ATG16L1: variants seen among roughly 807,000 people sequenced by gnomAD.
ATG16L1 encodes the protein autophagy-related protein 16-1.
ATG16L1 carries 37 observed loss-of-function variants against 88.5 expected under a neutral mutation model. That is an observed-to-expected ratio of 0.42 (90% CI 0.32 to 0.55). The LOEUF (loss-of-function observed/expected upper bound fraction) is 0.55, where lower values mean the gene tolerates loss of function less well. ATG16L1 is among the 20% of genes least tolerant of loss of function. The pLI, the probability that ATG16L1 is intolerant of heterozygous loss-of-function variation, is 0.13. For synonymous variants in ATG16L1, 301 were observed against 281.0 expected, an observed-to-expected ratio of 1.07 and a Z score of -0.71; for missense variants, 554 against 752.8, an observed-to-expected ratio of 0.74 and a Z score of 3.09.
intron 9 of ATG16L1, among the ~76,000 whole-genome samples, chr2:233,276,743 C>G (rs890043143): frequency 6.6e-6 from 1 of 152,216 alleles, no homozygotes; most frequent in African/African-American, 2.4e-5. Flanking sequence ...TCCCGAAGTG[C>G]TGGGATCACA....
Position 233,253,339 on chromosome 2 carries a change from T to G in ATG16L1, c.115+1397T>G, listed in dbSNP as rs554958593. On this transcript the variant is annotated intron_variant, in intron 1 of 17. Transcript: ENST00000392017. ...GGTTAATGGTGAGACTGGGTTTTTT[T>G]GTTTTTTTTTTTTTTTTTTTTTGGA... Among the ~76,000 whole-genome samples, 25 of 131,124 alleles carry G rather than the reference T, an allele frequency of 1.9e-4. 1 individual carries two copies. The highest frequency in any genetic ancestry group is 1.1e-3 in the Admixed American group (14 of 13,032). 86.0% of individuals were successfully genotyped at this position (131,124 alleles called of 152,430 possible). A position where few individuals can be genotyped will look rare whatever the true frequency, so the allele number is the denominator to read the frequency against.
At chr2:233,254,328 G>C (rs553534448) in intron 1 of ATG16L1, among the ~76,000 whole-genome samples, 20 of 152,316 alleles carry the variant, frequency 1.3e-4, no homozygotes, top group African/African-American at 4.8e-4. Flanking sequence ...GACAGGCTTT[G>C]CATGTTAAGA....
intron 5 of ATG16L1, 38 bp downstream of exon 5, chr2:233,265,181 A>G (rs377358201): frequency 1.2e-5 from 20 of 1,608,440 alleles, no homozygotes; most frequent in Non-Finnish European, 1.6e-5. Context: ...TTCCATCCTT[A>G]GTAGAGTAGA....
intron 10 of ATG16L1, 40 bp downstream of exon 10, chr2:233,277,713 A>G (rs758662016): frequency 1.9e-6 from 3 of 1,559,810 alleles, no homozygotes; most frequent in African/African-American, 2.7e-5. Context: ...AAAACTTGAG[A>G]TGATGCACCC....
rs10676895 is a variant in ATG16L1 at position 233,286,621 on chromosome 2, CTTTT to C, written c.1204-3214_1204-3211del. Among the ~76,000 whole-genome samples the C allele has an allele frequency of 6.3e-4, 59 of 93,292 alleles. 1 individual carries two copies. The highest frequency in any genetic ancestry group is 2.6e-3 in the South Asian group (6 of 2,276). 61.2% of individuals were successfully genotyped at this position (93,292 alleles called of 152,430 possible). A position where few individuals can be genotyped will look rare whatever the true frequency, so the allele number is the denominator to read the frequency against. The stretch of plus-strand genomic sequence containing the variant: ...AGAATAAGGTGAGCAGAAGCCCAAA[CTTTT>C]TTTTTTTTTTTTTTTTTTGAGACAG... On this transcript the variant is annotated intron_variant, in intron 12 of 17. Transcript: ENST00000392017.
chr2:233,261,016 C>T lies in ATG16L1; in HGVS notation c.210-2114C>T, dbSNP rs534239645. On this transcript the variant is annotated intron_variant, in intron 2 of 17. Coordinates refer to ENST00000392017, the MANE Select transcript of ATG16L1 (RefSeq NM_030803.7). ...TGTCGCCCAGGCTGGAGGGCAGTGG[C>T]GCAGTCTCAGCTCACTGCAACCTCC... Among the ~76,000 whole-genome samples the T allele has an allele frequency of 3.7e-3, 565 of 152,298 alleles. 1 individual carries two copies. Among genetic ancestry groups the T allele is most frequent in the Admixed American group, 7.2e-3 (110 of 15,302 alleles).
intron 8 of ATG16L1, 83 bp from the exon 9 acceptor site, chr2:233,274,593 C>T (rs1351159961): frequency 3.0e-6 from 3 of 1,009,638 alleles, no homozygotes; most frequent in Admixed American, 2.1e-5. Flanking sequence ...TAAGCAAGGT[C>T]GTCTTGGAGT....
rs1696766076 is a variant in ATG16L1 at position 233,256,211 on chromosome 2, C to T, written c.209+16C>T. The T allele has an allele frequency of 6.2e-7, 1 of 1,601,262 alleles. No individual in the cohort carries two copies. The highest frequency in any genetic ancestry group is 1.7e-5 in the Admixed American group (1 of 59,768). The stretch of plus-strand genomic sequence containing the variant: ...ACGAGATAAGGTATTTTGAAACTAA[C>T]TTGTATTATTTATGTCTCCTCTAAG... On this transcript the variant is annotated intron_variant, in intron 2 of 17. Transcript: ENST00000392017.
At chr2:233,270,214 C>A in intron 6 of ATG16L1, 147 bp downstream of exon 6, 1 of 512,708 alleles carries the variant, frequency 2.0e-6, no homozygotes, top group Non-Finnish European at 3.3e-6. Flanking sequence ...GTGATCATAG[C>A]TTCTAATGTT....
At chr2:233,293,378 G>T in intron 17 of ATG16L1, 21 bp downstream of exon 17, 1 of 1,600,874 alleles carries the variant, frequency 6.2e-7, no homozygotes, top group Admixed American at 1.7e-5. Context: ...CCCTGTCTCA[G>T]CCCCCCGTTG....
intron 17 of ATG16L1, 34 bp downstream of exon 17, chr2:233,293,391 T>C (rs1195301503): frequency 1.3e-6 from 2 of 1,587,648 alleles, no homozygotes; most frequent in Non-Finnish European, 8.6e-7. Flanking sequence ...CCCCGTTGCG[T>C]TGTGAGCAAG....
chr2:233,271,303 A>G (rs1697970104), intron 6 of ATG16L1, among the ~76,000 whole-genome samples: 1 of 152,148 alleles, frequency 6.6e-6, no homozygotes, highest in Non-Finnish European at 1.5e-5. Flanking sequence ...TTTGAGATGG[A>G]GTTTCACTCT....
intron 12 of ATG16L1, among the ~76,000 whole-genome samples, chr2:233,286,740 C>T (rs1321520151): frequency 1.3e-5 from 2 of 150,712 alleles, no homozygotes; most frequent in African/African-American, 4.9e-5. Context: ...ATTCTCCTGC[C>T]TCAGCCTCCC....
Position 233,252,064 on chromosome 2 carries a change from G to C in ATG16L1, c.115+122G>C, listed in dbSNP as rs1292714290. ...CCCGCACGCATGGCGGCCGCCCCGG[G>C]TAACCCGCGCTTGGGACGCCGCACG... On this transcript the variant is annotated intron_variant, in intron 1 of 17. Coordinates refer to ENST00000392017, the MANE Select transcript of ATG16L1 (RefSeq NM_030803.7). 7.7e-6 allele frequency: 6 copies of C among 776,334 alleles called. No homozygotes were observed. The South Asian group carries it at 1.3e-4, about 17-fold the overall frequency. The allele number at this position is 776,334 out of a possible 1,614,324, so 48.1% of individuals were successfully genotyped here.
chr2:233,262,327 A>G (rs1697270522), intron 2 of ATG16L1, among the ~76,000 whole-genome samples: 2 of 151,860 alleles, frequency 1.3e-5, no homozygotes, highest in South Asian at 4.2e-4. Context: ...TTCGGCCCTT[A>G]CCCCACTGCA....
At chr2:233,265,844 CATG>C (rs1367081959) in intron 5 of ATG16L1, 1 of 152,270 alleles carries the variant, frequency 6.6e-6, no homozygotes, top group Non-Finnish European at 1.5e-5. Context: ...CCTACTGAGA[CATG>C]GGAATTAAAA....
At chr2:233,290,162 C>CCA in intron 13 of ATG16L1, 86 bp from the exon 14 acceptor site, 1 of 1,516,670 alleles carries the variant, frequency 6.6e-7, no homozygotes, top group Non-Finnish European at 9.1e-7. Flanking sequence ...GTAACTCTGA[C>CCA]AAGTCAGTGG....
intron 9 of ATG16L1, chr2:233,275,970 T>C (rs1246507362): frequency 1.9e-6 from 1 of 519,136 alleles, no homozygotes; most frequent in Non-Finnish European, 3.8e-6. Context: ...ATGGGTGTGA[T>C]GGTGCATGAT....
At chr2:233,263,373 T>A in intron 3 of ATG16L1, 138 bp downstream of exon 3, 1 of 710,330 alleles carries the variant, frequency 1.4e-6, no homozygotes, top group Non-Finnish European at 2.4e-6. Context: ...TCCATAGGAA[T>A]AAAAGGGTGA....
Sources: allele counts gnomAD v4.1 joint callset (sites outside exome capture counted in the v4.1 genomes callset), GRCh38; gene constraint gnomAD v4.1.1; transcripts MANE v1.5; gene names NCBI Gene and HGNC (gene_info 2026-07-23, HGNC 2026-07-21).